Variants in TBC1D19 observed in about 807,000 individuals in gnomAD.
TBC1D19 encodes TBC1 domain family member 19, also known as TBC1 domain family, member 19.
In TBC1D19, 60 loss-of-function variants were observed where a neutral mutation model predicts 89.0. The observed-to-expected ratio is 0.67, with a 90% CI of 0.55 to 0.84. The LOEUF is 0.84. Ranked by LOEUF, TBC1D19 falls within the 40% of genes least tolerant of loss-of-function variation. The probability of loss-of-function intolerance (pLI) is 0.00; values close to 1 mark genes in which losing one functional copy is unlikely to be tolerated. For missense variants in TBC1D19, 500 were observed against 610.8 expected, an observed-to-expected ratio of 0.82 and a Z score of 1.91; for synonymous variants, 189 against 199.7, an observed-to-expected ratio of 0.95 and a Z score of 0.45.
chr4:26,776,497 G>A, the TBC1D19 span, among the ~76,000 whole-genome samples: 1 of 152,086 alleles, frequency 6.6e-6, no homozygotes, highest in East Asian at 1.9e-4. Flanking sequence ...TATAGCCAGA[G>A]CAGACTATAT....
intron 3 of TBC1D19, 130 bp downstream of exon 3, chr4:26,614,583 G>C: frequency 1.9e-6 from 1 of 517,024 alleles, no homozygotes; most frequent in East Asian, 3.5e-5. Context: ...AGCATTTCAA[G>C]TAAGTTGATA....
At chr4:26,709,391 G>C (rs1050535629) in intron 13 of TBC1D19, among the ~76,000 whole-genome samples, 1 of 152,052 alleles carries the variant, frequency 6.6e-6, no homozygotes, top group African/African-American at 2.4e-5. Context: ...TCTTCTGAAA[G>C]TTACTTCAGC....
At chr4:26,834,628 TG>T in the TBC1D19 span, among the ~76,000 whole-genome samples, 1 of 152,124 alleles carries the variant, frequency 6.6e-6, no homozygotes, top group Admixed American at 6.6e-5. Context: ...TGGGAGACTC[TG>T]GGGTCCTGAA....
chr4:26,806,312 T>C, the TBC1D19 span, among the ~76,000 whole-genome samples: 198 of 152,298 alleles, frequency 1.3e-3, 1 homozygote, highest in African/African-American at 4.3e-3. Flanking sequence ...CTGTGGCAAG[T>C]ACTCATCCTC....
the TBC1D19 span, among the ~76,000 whole-genome samples, chr4:26,816,253 T>TC: frequency 6.6e-6 from 1 of 151,428 alleles, no homozygotes; most frequent in South Asian, 2.1e-4. Context: ...CTTTACTTTT[T>TC]TTATGGAGCA....
chr4:26,595,818 G>A (rs1321450797), intron 1 of TBC1D19, among the ~76,000 whole-genome samples: 1 of 152,018 alleles, frequency 6.6e-6, no homozygotes, highest in African/African-American at 2.4e-5. Context: ...TGATCTATTT[G>A]TCCATTCTTT....
the TBC1D19 span, among the ~76,000 whole-genome samples, chr4:26,818,720 C>T: frequency 1.3e-5 from 2 of 152,160 alleles, no homozygotes; most frequent in African/African-American, 2.4e-5. Flanking sequence ...GTTGTGGCTA[C>T]AATGACGAAC....
chr4:26,857,458 G>T, the TBC1D19 span, among the ~76,000 whole-genome samples: 1 of 152,234 alleles, frequency 6.6e-6, no homozygotes, highest in African/African-American at 2.4e-5. Context: ...CGAGGCGCCG[G>T]AATTCCCCAC....
chr4:26,714,109 G>A (rs887115048), intron 13 of TBC1D19, among the ~76,000 whole-genome samples: 1 of 152,104 alleles, frequency 6.6e-6, no homozygotes, highest in African/African-American at 2.4e-5. Flanking sequence ...ACTTTGGAAG[G>A]CTGAGGCAGG....
intron 1 of TBC1D19, among the ~76,000 whole-genome samples, chr4:26,611,347 T>A (rs1272051846): frequency 6.6e-6 from 1 of 152,142 alleles, no homozygotes; most frequent in Non-Finnish European, 1.5e-5. Context: ...CCTTTCTTTT[T>A]CCTTACAGTT....
At chr4:26,689,361 A>G (rs1029259887) in intron 13 of TBC1D19, among the ~76,000 whole-genome samples, 1 of 152,120 alleles carries the variant, frequency 6.6e-6, no homozygotes, top group Non-Finnish European at 1.5e-5. Context: ...GGAGAATACA[A>G]AAATCTTCTT....
At chr4:26,586,071 T>C (rs573119242) in intron 1 of TBC1D19, among the ~76,000 whole-genome samples, 2 of 152,078 alleles carry the variant, frequency 1.3e-5, no homozygotes, top group African/African-American at 4.8e-5. Flanking sequence ...AGAAGTTTTA[T>C]AGTTTTAGCT....
intron 15 of TBC1D19, among the ~76,000 whole-genome samples, chr4:26,734,934 G>GTATATATGTATACACATATGTATA (rs1670108875): frequency 2.0e-4 from 24 of 118,098 alleles, no homozygotes; most frequent in African/African-American, 5.5e-4. Flanking sequence ...ACATATATGT[G>GTATATATGTATACACATATGTATA]TGTATATATG....
At chr4:26,632,954 G>A (rs532060377) in intron 4 of TBC1D19, among the ~76,000 whole-genome samples, 26 of 152,084 alleles carry the variant, frequency 1.7e-4, no homozygotes, top group Non-Finnish European at 2.4e-4. Flanking sequence ...CTGGTGTGGT[G>A]TCTATTAGCT....
intron 13 of TBC1D19, among the ~76,000 whole-genome samples, chr4:26,712,672 G>T (rs1166156183): frequency 6.6e-6 from 1 of 152,000 alleles, no homozygotes; most frequent in Non-Finnish European, 1.5e-5. Flanking sequence ...CATGATTCTG[G>T]TGGCTGGAAA....
chr4:26,823,252 G>A, the TBC1D19 span, among the ~76,000 whole-genome samples: 38 of 152,188 alleles, frequency 2.5e-4, no homozygotes, highest in South Asian at 7.7e-3. Context: ...AGAACAGCGG[G>A]AAAGACCTGC....
intron 1 of TBC1D19, among the ~76,000 whole-genome samples, chr4:26,593,711 T>G (rs1739992903): frequency 2.0e-5 from 3 of 152,190 alleles, no homozygotes; most frequent in African/African-American, 7.2e-5. Flanking sequence ...AAAGAAGACA[T>G]TTATACAGCC....
At chr4:26,601,656 A>G (rs751869351) in intron 1 of TBC1D19, among the ~76,000 whole-genome samples, 22 of 152,196 alleles carry the variant, frequency 1.4e-4, no homozygotes, top group Non-Finnish European at 2.5e-4. Flanking sequence ...AGGGATGTAA[A>G]TACTTGAATG....
chr4:26,845,866 G>A, the TBC1D19 span, among the ~76,000 whole-genome samples: 2 of 152,210 alleles, frequency 1.3e-5, no homozygotes, highest in African/African-American at 4.8e-5. Context: ...ACAGTATGGG[G>A]GAAACTGCCC....
Sources: gnomAD v4.1 joint callset for allele counts (sites outside exome capture counted in the v4.1 genomes callset) on GRCh38, gnomAD v4.1.1 for gene constraint, MANE v1.5 for transcripts, NCBI Gene and HGNC (gene_info 2026-07-23, HGNC 2026-07-21) for gene names.